Variants in MAPK12 observed in about 807,000 individuals in gnomAD.
The protein encoded by MAPK12 is MAP kinase 12.
MAPK12 carries 49 observed loss-of-function variants against 49.1 expected under a neutral mutation model. The observed-to-expected ratio is 1.00, with a 90% CI of 0.79 to 1.27. MAPK12 has a LOEUF of 1.27. MAPK12 is among the 50% of genes most tolerant of loss of function. The pLI, the probability that MAPK12 is intolerant of heterozygous loss-of-function variation, is 0.00. For synonymous variants in MAPK12, 251 were observed against 209.7 expected (o/e 1.20, Z -1.70); for missense variants, 554 against 502.4 (o/e 1.10, Z -0.98).
At position 50,258,247 on chromosome 22, in the gene MAPK12, C is replaced by G; in HGVS notation, c.310G>C (p.Asp104His). 6.2e-7 allele frequency: 1 copy of G among 1,613,146 alleles called. No homozygotes were observed. The highest frequency in any genetic ancestry group is 8.5e-7 in the Non-Finnish European group (1 of 1,179,996). ...TPDETLDDFT[D>H]FYLVMPFMGT... Reference sequence around the variant, plus strand: ...CCAGCCCAGGTCGGCACTCACAAGTCCGTGAAGTCATCCAGGGTCTCATCA... The same window carrying G: ...CCAGCCCAGGTCGGCACTCACAAGTGCGTGAAGTCATCCAGGGTCTCATCA... Residue 104 changes from aspartate to histidine, a missense_variant, in exon 3 of 12, where the codon GAC becomes CAC. Asp to His is a moderately conservative substitution (Grantham distance 81, BLOSUM62 -1). Transcript: ENST00000215659.
At chr22:50,259,184 G>T (rs954595739) in intron 2 of MAPK12, among the ~76,000 whole-genome samples, 1 of 152,224 alleles carries the variant, frequency 6.6e-6, no homozygotes, top group South Asian at 2.1e-4. Context: ...CAGCTCCGCC[G>T]GAGCCACGTG....
chr22:50,256,465 C>T, intron 6 of MAPK12, 134 bp downstream of exon 6: 2 of 1,206,570 alleles, frequency 1.7e-6, no homozygotes, highest in African/African-American at 1.5e-5. Flanking sequence ...TGGGCTCACC[C>T]ACCCACCAGC....
At chr22:50,253,502 G>GCGCCGCCCCCCC in intron 11 of MAPK12, 22 bp from the exon 12 acceptor site, 1 of 171,686 alleles carries the variant, frequency 5.8e-6, no homozygotes, top group East Asian at 1.5e-4. Flanking sequence ...GGGGGGGCGG[G>GCGCCGCCCCCCC]CACAACAGAG....
Position 50,256,657 on chromosome 22 carries a change from A to T in MAPK12, c.457-11T>A. The T allele has an allele frequency of 2.5e-6, 4 of 1,608,000 alleles. No individual in the cohort carries two copies. The highest frequency in any genetic ancestry group is 3.4e-6 in the Non-Finnish European group (4 of 1,177,380). ...GCCGGGCTTCAGGTCCTGGGGGCAG[A>T]GGAAAGGTGGCCACTGTGCCCCACC... On this transcript the variant is annotated splice_polypyrimidine_tract_variant and intron_variant, in intron 5 of 11. Coordinates refer to ENST00000215659, the MANE Select transcript of MAPK12 (RefSeq NM_002969.6).
At chr22:50,256,746 C>T (rs2065154465) in intron 5 of MAPK12, 100 bp from the exon 6 acceptor site, 3 of 1,525,306 alleles carry the variant, frequency 2.0e-6, no homozygotes, top group African/African-American at 1.4e-5. Flanking sequence ...CCGGACCTGG[C>T]CCCCTTGCTC....
In MAPK12 at chr22:50,256,213, T is replaced by G; in HGVS notation, c.505-14A>C. The G allele has an allele frequency of 6.3e-7, 1 of 1,597,054 alleles. No individual in the cohort carries two copies. Among genetic ancestry groups the G allele is most frequent in the Non-Finnish European group, 8.6e-7 (1 of 1,166,232 alleles). The stretch of plus-strand genomic sequence containing the variant: ...GAAGTCCAGGATCTGTGGGAAGAAT[T>G]GGGGAGGTGGGTTCTAGGGGACTCC... On this transcript the variant is annotated splice_polypyrimidine_tract_variant and intron_variant, in intron 6 of 11. Transcript: ENST00000215659.
At chr22:50,259,187 GC>G (rs2065183326) in intron 2 of MAPK12, among the ~76,000 whole-genome samples, 1 of 152,228 alleles carries the variant, frequency 6.6e-6, no homozygotes, top group Non-Finnish European at 1.5e-5. Context: ...CTCCGCCGGA[GC>G]CACGTGGGCC....
Position 50,261,376 on chromosome 22 carries a change from C to A in MAPK12, c.125+9G>T. ...GCCCCGCCGGCCGCCCCGCCCGGCC[C>A]GCGCTCACCACACCGCGCCGTAGGC... On this transcript the variant is annotated intron_variant, in intron 1 of 11. Coordinates refer to ENST00000215659, the MANE Select transcript of MAPK12 (RefSeq NM_002969.6). 3 of 1,158,940 alleles carry A rather than the reference C, an allele frequency of 2.6e-6. No individual in the cohort carries two copies. Among genetic ancestry groups the A allele is most frequent in the Non-Finnish European group, 2.1e-6 (2 of 934,978 alleles). The allele number at this position is 1,158,940 out of a possible 1,614,324, so 71.8% of individuals were successfully genotyped here.
intron 11 of MAPK12, chr22:50,253,705 G>A (rs763569358): frequency 1.9e-5 from 11 of 584,162 alleles, no homozygotes; most frequent in South Asian, 1.2e-4. Context: ...TGTCCACCAC[G>A]GTCTGTCCTA....
At chr22:50,258,170 T>C in intron 3 of MAPK12, 73 bp downstream of exon 3, 1 of 1,453,784 alleles carries the variant, frequency 6.9e-7, no homozygotes, top group Admixed American at 1.7e-5. Context: ...ATTGCCAACC[T>C]AGAACCTGAA....
chr22:50,255,710 G>A lies in MAPK12; in HGVS notation c.692-16C>T, dbSNP rs967707656. ...TGGTCCAGGTCTGCACCGAGGTCAG[G>A]AACACAGCTCGGGGGCCAGAGATCA... On this transcript the variant is annotated splice_polypyrimidine_tract_variant and intron_variant, in intron 8 of 11. Transcript: ENST00000215659. The A allele has an allele frequency of 4.3e-6, 7 of 1,609,746 alleles. No homozygotes were observed. The highest frequency in any genetic ancestry group is 1.6e-4 in the Middle Eastern group (1 of 6,062).
In MAPK12 at chr22:50,255,551, G is replaced by A. The variant is rs1390529416; in HGVS notation, c.772-20C>T. On this transcript the variant is annotated intron_variant, in intron 9 of 11. Transcript: ENST00000215659. ...CTTGGCCTGTGTGGGAAGAAAGGGT[G>A]AGGGGCCAACACCAAGGCCCAGGTC... The A allele has an allele frequency of 1.2e-6, 2 of 1,613,122 alleles. No homozygotes were observed. The highest frequency in any genetic ancestry group is 2.2e-5 in the South Asian group (2 of 91,080).
At chr22:50,253,502 G>GGGTGGGC in intron 11 of MAPK12, 22 bp from the exon 12 acceptor site, 3 of 171,686 alleles carry the variant, frequency 1.7e-5, no homozygotes, top group South Asian at 4.5e-5. Flanking sequence ...GGGGGGGCGG[G>GGGTGGGC]CACAACAGAG....
chr22:50,257,602 T>G, intron 3 of MAPK12: 1 of 550,898 alleles, frequency 1.8e-6, no homozygotes, highest in Non-Finnish European at 3.3e-6. Flanking sequence ...GTGCCAGAAA[T>G]GAGGGAGGTG....
At chr22:50,254,685 C>G (rs1489016063) in intron 11 of MAPK12, 2 of 1,033,070 alleles carry the variant, frequency 1.9e-6, no homozygotes, top group Admixed American at 5.1e-5. Context: ...GAGGCAAGGA[C>G]AGATTCAGGA....
chr22:50,257,445 G>A (rs1015497134), intron 3 of MAPK12: 2 of 564,540 alleles, frequency 3.5e-6, no homozygotes, highest in African/African-American at 1.9e-5. Flanking sequence ...CTGTCAGGCA[G>A]GGAGGAGGCT....
intron 2 of MAPK12, chr22:50,260,780 G>A (rs1304462604): frequency 6.1e-6 from 1 of 163,398 alleles, no homozygotes; most frequent in Non-Finnish European, 1.3e-5. Flanking sequence ...TGGGGAAGAG[G>A]GAAGGTGCCC....
intron 2 of MAPK12, 63 bp downstream of exon 2, chr22:50,261,104 C>T: frequency 2.1e-6 from 3 of 1,462,962 alleles, no homozygotes; most frequent in Middle Eastern, 2.2e-4. Context: ...GGTGGGGGAA[C>T]CCAGCCCAGC....
In MAPK12 at chr22:50,253,138, G is replaced by A. The variant is rs530689766; in HGVS notation, c.*263C>T. On this transcript the variant is annotated 3_prime_UTR_variant, in exon 12 of 12. Transcript: ENST00000215659. The stretch of plus-strand genomic sequence containing the variant: ...AGCTCTGAGGTTTCTGAGAGCACCG[G>A]GCAAGTGGGCCACTGCTCCAGGGAT... 5.8e-6 allele frequency: 3 copies of A among 515,574 alleles called. No homozygotes were observed. In the South Asian group the frequency reaches 6.0e-5, roughly 10 times the overall value. The allele number at this position is 515,574 out of a possible 1,614,324, so 31.9% of individuals were successfully genotyped here.
Sources: allele counts gnomAD v4.1 joint callset (sites outside exome capture counted in the v4.1 genomes callset), GRCh38; gene constraint gnomAD v4.1.1; transcripts MANE v1.5; gene names NCBI Gene and HGNC (gene_info 2026-07-23, HGNC 2026-07-21).